Variants in STMN2 observed in about 807,000 individuals in gnomAD.
STMN2 encodes stathmin-2.
STMN2 carries 2 observed loss-of-function variants against 24.1 expected under a neutral mutation model. The ratio of observed to expected loss-of-function variants is 0.08; its 90% confidence interval spans 0.03 to 0.26. The LOEUF (loss-of-function observed/expected upper bound fraction) is 0.26, where lower values mean the gene tolerates loss of function less well. Among genes scored for constraint, STMN2 ranks in the 10% least tolerant of loss-of-function variants. The probability of loss-of-function intolerance (pLI) is 1.00; values close to 1 mark genes in which losing one functional copy is unlikely to be tolerated. For missense variants in STMN2, 114 were observed against 213.6 expected (o/e 0.53, Z 2.91); for synonymous variants, 83 against 77.5 (o/e 1.07, Z -0.37).
intron 1 of STMN2, among the ~76,000 whole-genome samples, chr8:79,636,338 A>T (rs1188308769): frequency 2.0e-5 from 3 of 152,222 alleles, no homozygotes; most frequent in Non-Finnish European, 4.4e-5. Context: ...CTGATGAGTT[A>T]TCTGACTATT....
At chr8:79,622,782 A>G (rs902459102) in intron 1 of STMN2, among the ~76,000 whole-genome samples, 6 of 151,948 alleles carry the variant, frequency 3.9e-5, no homozygotes, top group Admixed American at 3.3e-4. Context: ...CTTTAGAAAT[A>G]TTAAAATACA....
At chr8:79,663,834 G>A (rs1038545565) in intron 4 of STMN2, 2 of 192,084 alleles carry the variant, frequency 1.0e-5, no homozygotes, top group African/African-American at 4.8e-5. Context: ...CTGATGTATA[G>A]CCACATACTA....
At chr8:79,664,630 A>G (rs895694204) in intron 4 of STMN2, among the ~76,000 whole-genome samples, 185 bp from the exon 5 acceptor site, 2 of 152,192 alleles carry the variant, frequency 1.3e-5, no homozygotes, top group African/African-American at 4.8e-5. Flanking sequence ...TATTTTTTAA[A>G]ACACAGTAAG....
rs779038691 is a variant in STMN2, at chr8:79,611,145, G to A, written c.-51G>A. The stretch of plus-strand genomic sequence containing the variant: ...CTTCTCTCTCGCTCTCTCCGCTGCT[G>A]TAGCCGGACCCTTTGCCTTCGCCAC... On this transcript the variant is annotated 5_prime_UTR_variant, in exon 1 of 5. Transcript: ENST00000220876. 4 of 1,613,284 alleles carry A rather than the reference G, an allele frequency of 2.5e-6. No homozygotes were observed. Among genetic ancestry groups the A allele is most frequent in the South Asian group, 2.2e-5 (2 of 90,994 alleles).
chr8:79,659,885 CT>C (rs1806467014), intron 4 of STMN2, among the ~76,000 whole-genome samples: 1 of 151,154 alleles, frequency 6.6e-6, no homozygotes, highest in Non-Finnish European at 1.5e-5. Flanking sequence ...TGGATATAGA[CT>C]TTTTACAACT....
chr8:79,657,055 G>A (rs1806389674), intron 4 of STMN2, among the ~76,000 whole-genome samples: 1 of 152,098 alleles, frequency 6.6e-6, no homozygotes. Flanking sequence ...TGTATTTTTA[G>A]TAGAGACAGG....
chr8:79,616,251 G>T (rs1207539212), intron 1 of STMN2, among the ~76,000 whole-genome samples: 1 of 152,136 alleles, frequency 6.6e-6, no homozygotes, highest in Non-Finnish European at 1.5e-5. Context: ...AGTTTTATCA[G>T]ATTTCAACAA....
intron 1 of STMN2, chr8:79,631,377 A>G: frequency 2.1e-6 from 2 of 955,020 alleles, no homozygotes; most frequent in Non-Finnish European, 2.5e-6. Flanking sequence ...TGGTTGGTCA[A>G]AATATTAATC....
chr8:79,655,204 A>C (rs1806315966), intron 4 of STMN2, 142 bp downstream of exon 4: 1 of 849,654 alleles, frequency 1.2e-6, no homozygotes, highest in Non-Finnish European at 1.8e-6. Flanking sequence ...AGGGTCTCAC[A>C]GTGTAGCATT....
chr8:79,642,453 T>C (rs1319495275), intron 3 of STMN2, among the ~76,000 whole-genome samples: 1 of 152,208 alleles, frequency 6.6e-6, no homozygotes, highest in East Asian at 1.9e-4. Context: ...CCACATTGTA[T>C]TTCCCAATAT....
chr8:79,634,880 G>T (rs1023934272), intron 1 of STMN2, among the ~76,000 whole-genome samples: 1 of 152,100 alleles, frequency 6.6e-6, no homozygotes, highest in Non-Finnish European at 1.5e-5. Flanking sequence ...TCTCCCTTGG[G>T]TTATATTATA....
intron 4 of STMN2, chr8:79,663,784 G>T (rs1806547580): frequency 1.4e-6 from 1 of 715,396 alleles, no homozygotes; most frequent in Non-Finnish European, 2.1e-6. Context: ...TTAGTCATCT[G>T]ATGTATAGCC....
At chr8:79,646,570 G>A (rs963622809) in intron 3 of STMN2, among the ~76,000 whole-genome samples, 4 of 152,060 alleles carry the variant, frequency 2.6e-5, no homozygotes, top group Non-Finnish European at 5.9e-5. Flanking sequence ...CAGCAGGTGC[G>A]GAGGCCCTGA....
intron 3 of STMN2, among the ~76,000 whole-genome samples, chr8:79,646,732 G>A (rs1036942537): frequency 1.3e-5 from 2 of 152,112 alleles, no homozygotes; most frequent in African/African-American, 4.8e-5. Flanking sequence ...GGATAATAAA[G>A]CCATTTCACT....
chr8:79,638,076 C>T (rs1386736685), intron 2 of STMN2, among the ~76,000 whole-genome samples: 1 of 152,242 alleles, frequency 6.6e-6, no homozygotes. Flanking sequence ...ATAAATTAGA[C>T]AGACCTTTAT....
chr8:79,635,278 C>T (rs1156713517), intron 1 of STMN2, among the ~76,000 whole-genome samples: 4 of 152,000 alleles, frequency 2.6e-5, no homozygotes, highest in East Asian at 1.9e-4. Flanking sequence ...TGGGTTGCAA[C>T]GGAGGGAAGG....
intron 3 of STMN2, 50 bp downstream of exon 3, chr8:79,641,600 C>G: frequency 7.1e-7 from 1 of 1,400,358 alleles, no homozygotes; most frequent in Non-Finnish European, 9.7e-7. Context: ...CCTGCTCCTC[C>G]CTCTCACACA....
intron 2 of STMN2, among the ~76,000 whole-genome samples, chr8:79,639,538 T>C (rs866811882): frequency 6.6e-6 from 1 of 152,258 alleles, no homozygotes; most frequent in African/African-American, 2.4e-5. Flanking sequence ...ATTATAAATG[T>C]CCTAGCAGGT....
chr8:79,636,696 C>A, intron 1 of STMN2, 106 bp from the exon 2 acceptor site: 1 of 989,692 alleles, frequency 1.0e-6, no homozygotes, highest in Non-Finnish European at 1.5e-6. Flanking sequence ...GTCTACCTGG[C>A]AATATTCACT....
Sources: allele counts gnomAD v4.1 joint callset (sites outside exome capture counted in the v4.1 genomes callset), GRCh38; gene constraint gnomAD v4.1.1; transcripts MANE v1.5; gene names NCBI Gene and HGNC (gene_info 2026-07-23, HGNC 2026-07-21).